Variants in ADORA1 observed in about 807,000 individuals in gnomAD.
ADORA1 encodes the protein adenosine A1 receptor, also known as adenosine receptor A1.
ADORA1 carries 6 observed loss-of-function variants against 19.9 expected under a neutral mutation model. That is an observed-to-expected ratio of 0.30 (90% CI 0.17 to 0.59). The LOEUF (loss-of-function observed/expected upper bound fraction) is 0.59. Among genes scored for constraint, ADORA1 ranks in the 20% least tolerant of loss-of-function variants. The pLI, the probability that ADORA1 is intolerant of heterozygous loss-of-function variation, is 0.87. For synonymous variants in ADORA1, 194 were observed against 188.4 expected, an observed-to-expected ratio of 1.03 and a Z score of -0.24; for missense variants, 302 against 439.2, an observed-to-expected ratio of 0.69 and a Z score of 2.79.
At chr1:203,141,069 C>T (rs547811137) in intron 3 of ADORA1, among the ~76,000 whole-genome samples, 23 of 152,342 alleles carry the variant, frequency 1.5e-4, no homozygotes, top group African/African-American at 4.6e-4. Flanking sequence ...CCCATTTCAG[C>T]GAATGCAGCT....
At chr1:203,129,392 G>T in intron 3 of ADORA1, 1 of 673,676 alleles carries the variant, frequency 1.5e-6, no homozygotes, top group Non-Finnish European at 1.8e-6. Context: ...ACTGTACTGT[G>T]AACTTACCAG....
intron 3 of ADORA1, among the ~76,000 whole-genome samples, chr1:203,164,293 G>A (rs1655462921): frequency 6.6e-6 from 1 of 152,192 alleles, no homozygotes; most frequent in African/African-American, 2.4e-5. Context: ...TCTTGCTTTT[G>A]TGTTATCTGT....
rs752310008 is a variant in ADORA1, at chr1:203,128,800, C to T, written c.-42C>T. 1.3e-6 allele frequency: 2 copies of T among 1,551,502 alleles called. No homozygotes were observed. Among genetic ancestry groups the T allele is most frequent in the South Asian group, 1.2e-5 (1 of 82,124 alleles). ...GACCACACAGGTGCTTGCCTCGTGC[C>T]CCTTGGTGCCCGTCTGCTGATGTGC... On this transcript the variant is annotated 5_prime_UTR_variant, in exon 3 of 4. Transcript: ENST00000337894. The surrounding 1 kb of genome is among the most constrained non-coding windows in gnomAD (Gnocchi z 5.9).
intron 3 of ADORA1, among the ~76,000 whole-genome samples, chr1:203,155,409 T>C (rs1245039940): frequency 6.6e-6 from 1 of 152,180 alleles, no homozygotes; most frequent in Non-Finnish European, 1.5e-5. Flanking sequence ...CAGTCCCCAA[T>C]GGCATCCAGA....
At chr1:203,155,399 C>G (rs888698300) in intron 3 of ADORA1, among the ~76,000 whole-genome samples, 2 of 152,182 alleles carry the variant, frequency 1.3e-5, no homozygotes, top group Non-Finnish European at 2.9e-5. Flanking sequence ...ACCTAACTAT[C>G]AGTCCCCAAT....
chr1:203,151,753 C>T (rs1655041634), intron 3 of ADORA1, among the ~76,000 whole-genome samples: 1 of 152,122 alleles, frequency 6.6e-6, no homozygotes, highest in Admixed American at 6.5e-5. Context: ...AGTTTGAACT[C>T]GGATCTTACC....
At chr1:203,159,758 C>T (rs1460792485) in intron 3 of ADORA1, among the ~76,000 whole-genome samples, 1 of 152,218 alleles carries the variant, frequency 6.6e-6, no homozygotes, top group East Asian at 1.9e-4. Context: ...AACCTGGCAC[C>T]TGATAGGTGC....
chr1:203,150,711 G>A (rs1220478722), intron 3 of ADORA1: 1 of 1,289,848 alleles, frequency 7.8e-7, no homozygotes, highest in African/African-American at 1.5e-5. Flanking sequence ...TTTCTAATGT[G>A]GAAGCACAAG....
chr1:203,142,240 A>G (rs1558130242), intron 3 of ADORA1, among the ~76,000 whole-genome samples: 1 of 152,190 alleles, frequency 6.6e-6, no homozygotes, highest in Non-Finnish European at 1.5e-5. Flanking sequence ...ACTTGATGTT[A>G]TGTGACCACT....
chr1:203,128,486 G>C lies in ADORA1; in HGVS notation c.-58+54G>C. The C allele has an allele frequency of 3.2e-6, 4 of 1,237,404 alleles. No individual in the cohort carries two copies. Among genetic ancestry groups the C allele is most frequent in the Non-Finnish European group, 4.2e-6 (4 of 941,934 alleles). 76.7% of individuals were successfully genotyped at this position (1,237,404 alleles called of 1,614,324 possible). ...CAGGGGTGGGCAGAGCCAGTCATGG[G>C]AGACCCCTCTGTGCGTGTGTCTGTG... On this transcript the variant is annotated intron_variant, in intron 2 of 3. Transcript: ENST00000337894. This position sits in a 1 kb window ranked among gnomAD's most constrained non-coding sequence, Gnocchi z 5.9.
At chr1:203,140,000 A>C (rs1238489781) in intron 3 of ADORA1, among the ~76,000 whole-genome samples, 1 of 152,254 alleles carries the variant, frequency 6.6e-6, no homozygotes, top group East Asian at 1.9e-4. Context: ...AATTCAGATT[A>C]CATTTTAAAA....
chr1:203,160,142 T>C (rs1380506217), intron 3 of ADORA1, among the ~76,000 whole-genome samples: 1 of 152,266 alleles, frequency 6.6e-6, no homozygotes, highest in Non-Finnish European at 1.5e-5. Flanking sequence ...TTAGAAATTC[T>C]TTTCCTGCTT....
intron 3 of ADORA1, among the ~76,000 whole-genome samples, chr1:203,159,785 T>A (rs1655306429): frequency 6.6e-6 from 1 of 152,202 alleles, no homozygotes; most frequent in Non-Finnish European, 1.5e-5. Flanking sequence ...AATACCCCTT[T>A]AATAAATGAA....
intron 3 of ADORA1, among the ~76,000 whole-genome samples, chr1:203,140,967 A>C (rs917796744): frequency 6.6e-6 from 1 of 152,188 alleles, no homozygotes; most frequent in Admixed American, 6.5e-5. Flanking sequence ...AGTGGTCTGC[A>C]TTGTGGATTG....
intron 3 of ADORA1, among the ~76,000 whole-genome samples, chr1:203,134,981 C>T (rs998800006): frequency 2.0e-5 from 3 of 152,186 alleles, no homozygotes; most frequent in Non-Finnish European, 4.4e-5. Flanking sequence ...TGGGTCTCAG[C>T]TAAAATGGGC....
rs1418900043 is a variant in ADORA1 at position 203,165,127 on chromosome 1, C to T, written c.342-134C>T. On this transcript the variant is annotated intron_variant, in intron 3 of 3. Transcript: ENST00000337894. The surrounding 1 kb of genome is among the most constrained non-coding windows in gnomAD (Gnocchi z 5.9). Reference sequence around the variant, plus strand: ...ACTCAGCCCTCGAGCAAAAGACATGCACCTCCCCACTCACCGGGCCCTGGA... The same window carrying T: ...ACTCAGCCCTCGAGCAAAAGACATGTACCTCCCCACTCACCGGGCCCTGGA... 2 of 1,556,586 alleles carry T rather than the reference C, an allele frequency of 1.3e-6. No individual in the cohort carries two copies. The highest frequency in any genetic ancestry group is 2.7e-5 in the African/African-American group (2 of 73,244).
At chr1:203,148,300 C>G (rs749812965) in intron 3 of ADORA1, among the ~76,000 whole-genome samples, 6 of 152,218 alleles carry the variant, frequency 3.9e-5, no homozygotes, top group Non-Finnish European at 8.8e-5. Context: ...GCTGTATGAC[C>G]TTGGGCAAGT....
intron 3 of ADORA1, among the ~76,000 whole-genome samples, chr1:203,153,085 C>T (rs991829354): frequency 6.6e-6 from 1 of 152,180 alleles, no homozygotes; most frequent in Admixed American, 6.5e-5. Flanking sequence ...GATGAGAACG[C>T]CCACCCAGAG....
chr1:203,141,904 T>A (rs1654708964), intron 3 of ADORA1, among the ~76,000 whole-genome samples: 1 of 151,974 alleles, frequency 6.6e-6, no homozygotes, highest in South Asian at 2.1e-4. Flanking sequence ...TTTTTAATGA[T>A]CCCCCTTTCC....
Sources: allele counts gnomAD v4.1 joint callset (sites outside exome capture counted in the v4.1 genomes callset), GRCh38; gene constraint gnomAD v4.1.1; non-coding constraint Gnocchi (gnomAD v3.1); transcripts MANE v1.5; gene names NCBI Gene and HGNC (gene_info 2026-07-23, HGNC 2026-07-21).